The following OSBPL8 variants were observed in gnomAD, a reference collection of about 807,000 sequenced individuals.
OSBPL8 encodes oxysterol-binding protein-related protein 8.
A neutral mutation model predicts 125.5 loss-of-function variants in OSBPL8; 59 were observed. The observed-to-expected ratio is 0.47, with a 90% CI of 0.38 to 0.58. The LOEUF (loss-of-function observed/expected upper bound fraction) is 0.58, where lower values mean the gene tolerates loss of function less well. OSBPL8 is among the 20% of genes least tolerant of loss of function. The pLI is 0.00. For synonymous variants in OSBPL8, 330 were observed against 338.9 expected (o/e 0.97, Z 0.29); for missense variants, 758 against 1,047.8 (o/e 0.72, Z 3.82).
chr12:76,429,450 T>A (rs1870548596), intron 4 of OSBPL8, among the ~76,000 whole-genome samples: 1 of 150,354 alleles, frequency 6.7e-6, no homozygotes, highest in Non-Finnish European at 1.5e-5. Context: ...AGAGACATTA[T>A]TCCCACAAAG....
chr12:76,509,225 T>C (rs1215762636), intron 1 of OSBPL8, among the ~76,000 whole-genome samples: 2 of 152,198 alleles, frequency 1.3e-5, no homozygotes, highest in South Asian at 4.1e-4. Context: ...ACCAATGGGC[T>C]ATAGCATATA....
intron 2 of OSBPL8, among the ~76,000 whole-genome samples, chr12:76,461,461 TG>T (rs1874722808): frequency 6.6e-6 from 1 of 152,162 alleles, no homozygotes; most frequent in African/African-American, 2.4e-5. Flanking sequence ...TTTCGTTTTT[TG>T]TTTTTTGAGG....
At chr12:76,529,481 A>G (rs1950273331) in intron 1 of OSBPL8, among the ~76,000 whole-genome samples, 1 of 151,880 alleles carries the variant, frequency 6.6e-6, no homozygotes, top group South Asian at 2.1e-4. Context: ...GCCTTAGAAT[A>G]GCAGTGTCAT....
At chr12:76,357,933 A>G (rs1001612663) in intron 22 of OSBPL8, among the ~76,000 whole-genome samples, 2 of 151,808 alleles carry the variant, frequency 1.3e-5, no homozygotes, top group East Asian at 3.9e-4. Context: ...AAGATACTTT[A>G]CACATTATCT....
chr12:76,457,551 T>C (rs570821135), intron 3 of OSBPL8, among the ~76,000 whole-genome samples: 1 of 152,150 alleles, frequency 6.6e-6, no homozygotes, highest in African/African-American at 2.4e-5. Flanking sequence ...AAAATACACA[T>C]AGAAGTGGAC....
rs77056112 is a variant in OSBPL8 at position 76,383,524 on chromosome 12, C to T, written c.1630+730G>A. Among the ~76,000 whole-genome samples the T allele has an allele frequency of 8.6e-3, 1,310 of 152,200 alleles. 24 individuals are homozygous for T. Among genetic ancestry groups the T allele is most frequent in the African/African-American group, 0.03 (1,255 of 41,526 alleles). On this transcript the variant is annotated intron_variant, in intron 15 of 23. Coordinates refer to ENST00000261183, the MANE Select transcript of OSBPL8 (RefSeq NM_020841.5). ...TTAGATATCCCTGTTGCAGACTGAACTATGGCTCACCACACGCTCAGGTAA... is the reference window on the plus strand; with the variant it reads ...TTAGATATCCCTGTTGCAGACTGAATTATGGCTCACCACACGCTCAGGTAA...
intron 4 of OSBPL8, among the ~76,000 whole-genome samples, chr12:76,430,576 A>G (rs1402460228): frequency 1.3e-5 from 2 of 152,240 alleles, no homozygotes; most frequent in African/African-American, 2.4e-5. Context: ...ACTGCTTCAC[A>G]AATAATTCAA....
chr12:76,469,188 C>T (rs1369924473), intron 2 of OSBPL8, among the ~76,000 whole-genome samples: 1 of 152,082 alleles, frequency 6.6e-6, no homozygotes, highest in Non-Finnish European at 1.5e-5. Flanking sequence ...ATTCCATTGA[C>T]TTGATTTTTT....
At chr12:76,412,203 T>C (rs12814818) in intron 4 of OSBPL8, among the ~76,000 whole-genome samples, 31,527 of 151,740 alleles carry the variant, frequency 0.21, 3,522 homozygotes, top group Non-Finnish European at 0.27. Context: ...GAACAACAAA[T>C]ATTGAGTGAG....
At chr12:76,420,391 A>G (rs7963830) in intron 4 of OSBPL8, among the ~76,000 whole-genome samples, 75,648 of 151,830 alleles carry the variant, frequency 0.5, 20,241 homozygotes, top group African/African-American at 0.68. Flanking sequence ...AGCATACCTA[A>G]AAGTAACAGC....
At chr12:76,545,282 C>T (rs980170944) in intron 1 of OSBPL8, among the ~76,000 whole-genome samples, 1 of 151,998 alleles carries the variant, frequency 6.6e-6, no homozygotes, top group South Asian at 2.1e-4. Flanking sequence ...CTAAAACTAC[C>T]CTGATTCTAT....
chr12:76,376,433 G>A (rs1231090553), intron 16 of OSBPL8, among the ~76,000 whole-genome samples: 2 of 152,120 alleles, frequency 1.3e-5, no homozygotes, highest in Non-Finnish European at 2.9e-5. Flanking sequence ...CTAGTGACTT[G>A]GGGGAACACA....
intron 5 of OSBPL8, among the ~76,000 whole-genome samples, chr12:76,404,750 A>T (rs1381587158): frequency 6.6e-6 from 1 of 152,222 alleles, no homozygotes; most frequent in African/African-American, 2.4e-5. Flanking sequence ...CCTATACAAA[A>T]TATGTGTTAA....
chr12:76,451,038 T>C (rs752339781), intron 3 of OSBPL8, 50 bp from the exon 4 acceptor site: 9 of 1,573,096 alleles, frequency 5.7e-6, no homozygotes, highest in Non-Finnish European at 7.8e-6. Flanking sequence ...CAGATTTACA[T>C]AATAGTATAG....
intron 1 of OSBPL8, among the ~76,000 whole-genome samples, chr12:76,552,842 T>C (rs1434986661): frequency 1.3e-5 from 2 of 152,144 alleles, no homozygotes; most frequent in Non-Finnish European, 2.9e-5. Context: ...ATTTCTAAAA[T>C]AGGTGATAAG....
intron 21 of OSBPL8, among the ~76,000 whole-genome samples, chr12:76,368,896 C>G (rs1053722653): frequency 2.0e-5 from 3 of 152,118 alleles, no homozygotes; most frequent in Admixed American, 6.6e-5. Context: ...CGCAGGGGCT[C>G]TTCAAGACTG....
At chr12:76,492,503 G>A (rs1878824794) in intron 1 of OSBPL8, among the ~76,000 whole-genome samples, 5 of 152,174 alleles carry the variant, frequency 3.3e-5, no homozygotes, top group Admixed American at 3.3e-4. Context: ...AGCAGGAGGT[G>A]AAAGGTGGGT....
At chr12:76,418,010 C>CTTTTTTTTTT (rs35319213) in intron 4 of OSBPL8, among the ~76,000 whole-genome samples, 24 of 111,578 alleles carry the variant, frequency 2.2e-4, no homozygotes, top group Non-Finnish European at 3.3e-4. Flanking sequence ...TTTTCACTAC[C>CTTTTTTTTTT]TTTTTTTTTT....
chr12:76,371,881 A>T (rs1952632057), intron 18 of OSBPL8: 1 of 194,606 alleles, frequency 5.1e-6, no homozygotes, highest in Admixed American at 5.6e-5. Flanking sequence ...AGCCTCAATA[A>T]CCATCTCCAA....
Sources: gnomAD v4.1 joint callset for allele counts (sites outside exome capture counted in the v4.1 genomes callset) on GRCh38, gnomAD v4.1.1 for gene constraint, MANE v1.5 for transcripts, NCBI Gene and HGNC (gene_info 2026-07-23, HGNC 2026-07-21) for gene names.